The following BCAT1 variants were observed in gnomAD, a reference collection of about 807,000 sequenced individuals.
BCAT1 encodes branched-chain-amino-acid aminotransferase, cytosolic.
In BCAT1, 48 loss-of-function variants were observed where a neutral mutation model predicts 52.4. The ratio of observed to expected loss-of-function variants is 0.92; its 90% CI spans 0.73 to 1.16. The LOEUF (loss-of-function observed/expected upper bound fraction) is 1.16, where lower values mean the gene tolerates loss of function less well. Ranked by LOEUF, BCAT1 falls within the 50% of genes most tolerant of loss-of-function variation. The pLI, the probability that BCAT1 is intolerant of heterozygous loss-of-function variation, is 0.00. For synonymous variants in BCAT1, 167 were observed against 161.3 expected, an observed-to-expected ratio of 1.04 and a Z score of -0.27; for missense variants, 451 against 457.1, an observed-to-expected ratio of 0.99 and a Z score of 0.12.
At chr12:24,947,906 CA>C (rs1237645021) in intron 1 of BCAT1, among the ~76,000 whole-genome samples, 1 of 152,190 alleles carries the variant, frequency 6.6e-6, no homozygotes, top group Non-Finnish European at 1.5e-5. Flanking sequence ...CTGTTGAATA[CA>C]AAAACGCATA....
chr12:24,850,026 T>G, intron 5 of BCAT1, 77 bp from the exon 6 acceptor site: 1 of 1,301,672 alleles, frequency 7.7e-7, no homozygotes, highest in Non-Finnish European at 1.0e-6. Context: ...TAGATTTATA[T>G]CTGTCTCCCA....
At chr12:24,903,973 C>T (rs1943180492) in intron 1 of BCAT1, 1 of 152,156 alleles carries the variant, frequency 6.6e-6, no homozygotes, top group Non-Finnish European at 1.5e-5. Flanking sequence ...GCGGTTAAAT[C>T]CGGTTTGGTT....
At chr12:24,820,961 C>A (rs1940097809) in intron 10 of BCAT1, among the ~76,000 whole-genome samples, 1 of 152,174 alleles carries the variant, frequency 6.6e-6, no homozygotes, top group East Asian at 1.9e-4. Flanking sequence ...TTGCTCTAAA[C>A]CCTATTGAAA....
At chr12:24,920,068 A>G (rs1943480133) in intron 1 of BCAT1, among the ~76,000 whole-genome samples, 1 of 152,160 alleles carries the variant, frequency 6.6e-6, no homozygotes, top group African/African-American at 2.4e-5. Flanking sequence ...ATGGACTAAT[A>G]CACTTACCCT....
chr12:24,890,492 A>G (rs1942806609), intron 3 of BCAT1, among the ~76,000 whole-genome samples: 2 of 152,170 alleles, frequency 1.3e-5, no homozygotes, highest in African/African-American at 4.8e-5. Context: ...GCCAGCCAAA[A>G]CCTGCCAAAT....
In BCAT1 at chr12:24,816,572, T is replaced by A. The variant is rs1446519620; in HGVS notation, c.*1436A>T. ...AAAACAGAGTATAAAAATCAGAGTATGCCTCTTTGTTTTCTACCAAAAAAA... is the reference window on the plus strand; with the variant it reads ...AAAACAGAGTATAAAAATCAGAGTAAGCCTCTTTGTTTTCTACCAAAAAAA... On this transcript the variant is annotated 3_prime_UTR_variant, in exon 11 of 11. Transcript: ENST00000261192. The A allele has an allele frequency of 2.6e-6, 1 of 387,282 alleles. No individual in the cohort carries two copies. The highest frequency in any genetic ancestry group is 4.5e-6 in the Non-Finnish European group (1 of 223,232). 24.0% of individuals were successfully genotyped at this position (387,282 alleles called of 1,614,324 possible). A position where few individuals can be genotyped will look rare whatever the true frequency, so the allele number is the denominator to read the frequency against.
chr12:24,845,193 G>A (rs1941306673), intron 6 of BCAT1, among the ~76,000 whole-genome samples: 1 of 149,328 alleles, frequency 6.7e-6, no homozygotes, highest in East Asian at 1.9e-4. Flanking sequence ...CAGCCTAGGA[G>A]ACAGAGCGAG....
At chr12:24,855,487 TCTC>T (rs1941649856) in intron 5 of BCAT1, among the ~76,000 whole-genome samples, 2 of 152,204 alleles carry the variant, frequency 1.3e-5, no homozygotes, top group African/African-American at 2.4e-5. Context: ...TTCAAGCGAT[TCTC>T]CTGCCTCAGC....
chr12:24,947,166 TCCAC>T (rs1943944007), intron 1 of BCAT1, among the ~76,000 whole-genome samples: 6 of 92,486 alleles, frequency 6.5e-5, no homozygotes, highest in African/African-American at 2.7e-4. Context: ...CCGTCTTCCC[TCCAC>T]ACACACACAC....
At chr12:24,838,712 C>T (rs925592885) in intron 7 of BCAT1, among the ~76,000 whole-genome samples, 8 of 152,186 alleles carry the variant, frequency 5.3e-5, no homozygotes, top group Non-Finnish European at 8.8e-5. Flanking sequence ...GGTTGCCAGA[C>T]AGAGATGATG....
At chr12:24,867,697 C>T (rs1364699505) in intron 5 of BCAT1, among the ~76,000 whole-genome samples, 1 of 152,134 alleles carries the variant, frequency 6.6e-6, no homozygotes, top group Non-Finnish European at 1.5e-5. Context: ...ATGAAACCCA[C>T]AATAGGAAGA....
At chr12:24,825,603 T>C (rs1940362142) in intron 10 of BCAT1, among the ~76,000 whole-genome samples, 1 of 152,222 alleles carries the variant, frequency 6.6e-6, no homozygotes, top group African/African-American at 2.4e-5. Flanking sequence ...CTGTCTTCTT[T>C]TGAGAAATGT....
chr12:24,819,325 ATTTAAC>A (rs1012795406), intron 10 of BCAT1, among the ~76,000 whole-genome samples: 30 of 152,324 alleles, frequency 2.0e-4, no homozygotes, highest in Middle Eastern at 6.8e-3. Context: ...TCTAGTCCTA[ATTTAAC>A]TTTAGTTTAA....
At chr12:24,941,851 G>A (rs534086774) in intron 1 of BCAT1, among the ~76,000 whole-genome samples, 10 of 152,326 alleles carry the variant, frequency 6.6e-5, no homozygotes, top group African/African-American at 2.4e-4. Flanking sequence ...GGGCTGCATG[G>A]TGAGCAACAT....
At chr12:24,918,044 A>C (rs1018169575) in intron 1 of BCAT1, among the ~76,000 whole-genome samples, 3 of 152,166 alleles carry the variant, frequency 2.0e-5, no homozygotes, top group Middle Eastern at 3.2e-3. Flanking sequence ...GCAAAGTCTC[A>C]CTCCAAGGAG....
At position 24,836,959 on chromosome 12, in the gene BCAT1, GAGAA is replaced by G. The variant is rs1365087981; in HGVS notation, c.818-367_818-364del. ...GAAAGAAAGAAAGAAAGAAAGAAAA[GAGAA>G]AGAAAGAAAGAGAGAGAGGGAGGGA... On this transcript the variant is annotated intron_variant, in intron 7 of 10. Coordinates refer to ENST00000261192, the MANE Select transcript of BCAT1 (RefSeq NM_005504.7). Among the ~76,000 whole-genome samples, 13 of 51,662 alleles carry G rather than the reference GAGAA, an allele frequency of 2.5e-4. 1 individual carries two copies. Among genetic ancestry groups the G allele is most frequent in the South Asian group, 1.0e-3 (2 of 1,964 alleles). 33.9% of individuals were successfully genotyped at this position (51,662 alleles called of 152,430 possible). A position where few individuals can be genotyped will look rare whatever the true frequency, so the allele number is the denominator to read the frequency against.
chr12:24,898,574 G>A (rs1943016607), intron 2 of BCAT1, among the ~76,000 whole-genome samples: 3 of 132,484 alleles, frequency 2.3e-5, no homozygotes, highest in South Asian at 4.9e-4. Flanking sequence ...GGAGTGCAGT[G>A]GCACAATCTC....
rs151278818 is a variant in BCAT1 at position 24,947,221 on chromosome 12, C to T, written c.6+1706G>A. 5.6e-3 allele frequency among the ~76,000 whole-genome samples: 843 copies of T among 151,016 alleles called. 6 individuals are homozygous for T. Among genetic ancestry groups the T allele is most frequent in the Middle Eastern group, 0.048 (14 of 294 alleles). On this transcript the variant is annotated intron_variant, in intron 1 of 10. Transcript: ENST00000261192. Reference sequence around the variant, plus strand: ...CACACACACACACACACGGACTTCCCTTGCCTCCAATCCCATTTACATGTG... The same window carrying T: ...CACACACACACACACACGGACTTCCTTTGCCTCCAATCCCATTTACATGTG...
At chr12:24,834,108 G>A (rs1940819680) in intron 8 of BCAT1, 1 of 972,464 alleles carries the variant, frequency 1.0e-6, no homozygotes, top group South Asian at 4.8e-5. Context: ...TTATAGTTGT[G>A]AGCCACTGTG....
Sources: allele counts gnomAD v4.1 joint callset (sites outside exome capture counted in the v4.1 genomes callset), GRCh38; gene constraint gnomAD v4.1.1; transcripts MANE v1.5; gene names NCBI Gene and HGNC (gene_info 2026-07-23, HGNC 2026-07-21).